Variants in ENTREP2 observed in about 807,000 individuals in gnomAD.
ENTREP2 encodes endosomal transmembrane epsin interactor 2, also known as protein ENTREP2.
the ENTREP2 span, among the ~76,000 whole-genome samples, chr15:29,207,614 G>C: frequency 2.6e-5 from 4 of 152,048 alleles, no homozygotes; most frequent in African/African-American, 9.7e-5. Flanking sequence ...GCATTTTACA[G>C]AGCGCTGATT....
At chr15:29,263,738 G>A in the ENTREP2 span, among the ~76,000 whole-genome samples, 1 of 152,308 alleles carries the variant, frequency 6.6e-6, no homozygotes, top group East Asian at 1.9e-4. Flanking sequence ...AGGGCTGGAA[G>A]CAATGATATT....
chr15:29,289,505 T>C, the ENTREP2 span, among the ~76,000 whole-genome samples: 1 of 152,188 alleles, frequency 6.6e-6, no homozygotes, highest in African/African-American at 2.4e-5. Context: ...TCTACTAAAG[T>C]TGAACCTATG....
chr15:29,510,852 A>G, the ENTREP2 span, among the ~76,000 whole-genome samples: 1 of 151,900 alleles, frequency 6.6e-6, no homozygotes, highest in Admixed American at 6.6e-5. Flanking sequence ...ATGGAATACT[A>G]TGCAGCCATA....
the ENTREP2 span, among the ~76,000 whole-genome samples, chr15:29,549,062 T>C: frequency 6.6e-6 from 1 of 152,194 alleles, no homozygotes; most frequent in African/African-American, 2.4e-5. Flanking sequence ...GTTCCAATCC[T>C]GTTCATGTAA....
the ENTREP2 span, among the ~76,000 whole-genome samples, chr15:29,611,626 G>A: frequency 6.6e-6 from 1 of 151,938 alleles, no homozygotes; most frequent in African/African-American, 2.4e-5. Context: ...ATCCCAGCAT[G>A]CTGGCTCCTC....
At chr15:29,232,595 C>T in the ENTREP2 span, among the ~76,000 whole-genome samples, 1 of 151,452 alleles carries the variant, frequency 6.6e-6, no homozygotes, top group Non-Finnish European at 1.5e-5. Context: ...TGGGCTCAAG[C>T]AATCCTCCTG....
the ENTREP2 span, chr15:29,269,462 G>T: frequency 6.2e-7 from 1 of 1,613,292 alleles, no homozygotes. Context: ...AGCTGCTTCT[G>T]GCTCCTGGGC....
chr15:29,431,072 T>C, the ENTREP2 span, among the ~76,000 whole-genome samples: 1 of 152,286 alleles, frequency 6.6e-6, no homozygotes, highest in African/African-American at 2.4e-5. Context: ...GGGCCCAAAC[T>C]GTTTTCAAGC....
chr15:29,493,379 C>G, the ENTREP2 span, among the ~76,000 whole-genome samples: 2 of 151,338 alleles, frequency 1.3e-5, no homozygotes, highest in Non-Finnish European at 2.9e-5. Flanking sequence ...GTGATCCGCC[C>G]GCCTCGGCCT....
chr15:29,404,196 T>G, the ENTREP2 span, among the ~76,000 whole-genome samples: 1 of 151,926 alleles, frequency 6.6e-6, no homozygotes, highest in Admixed American at 6.6e-5. Context: ...ATAGCCCCGG[T>G]GAAAAGACAC....
At chr15:29,230,880 T>C in the ENTREP2 span, among the ~76,000 whole-genome samples, 13 of 152,082 alleles carry the variant, frequency 8.5e-5, no homozygotes, top group African/African-American at 3.1e-4. Context: ...AATTAAAAAG[T>C]TTTAGGCAGA....
chr15:29,137,298 G>T, the ENTREP2 span: 1 of 1,076,026 alleles, frequency 9.3e-7, no homozygotes. Context: ...TGGAATGCCT[G>T]TAATTTCAAC....
At chr15:29,487,613 A>G in the ENTREP2 span, among the ~76,000 whole-genome samples, 1 of 152,252 alleles carries the variant, frequency 6.6e-6, no homozygotes, top group East Asian at 1.9e-4. Flanking sequence ...TACAGTCTAT[A>G]GCAAGCAACA....
the ENTREP2 span, among the ~76,000 whole-genome samples, chr15:29,635,587 G>C: frequency 6.6e-6 from 1 of 152,110 alleles, no homozygotes; most frequent in Admixed American, 6.5e-5. Flanking sequence ...AATAGCGAGA[G>C]AAGGCTCCCC....
At chr15:29,596,959 C>T in the ENTREP2 span, among the ~76,000 whole-genome samples, 52 of 152,158 alleles carry the variant, frequency 3.4e-4, no homozygotes, top group East Asian at 9.7e-3. Flanking sequence ...TGTGAGCCAC[C>T]GCACTCGGCT....
the ENTREP2 span, among the ~76,000 whole-genome samples, chr15:29,525,611 T>C: frequency 2.6e-5 from 4 of 152,220 alleles, no homozygotes; most frequent in Non-Finnish European, 5.9e-5. Flanking sequence ...TCAAAGGCTT[T>C]ATGCTGAGTG....
the ENTREP2 span, among the ~76,000 whole-genome samples, chr15:29,221,083 T>C: frequency 7.2e-5 from 11 of 152,166 alleles, no homozygotes; most frequent in African/African-American, 2.4e-4. Context: ...AAGAAGGAAA[T>C]TGTCAAGTGA....
the ENTREP2 span, among the ~76,000 whole-genome samples, chr15:29,524,774 A>C: frequency 6.6e-6 from 1 of 152,214 alleles, no homozygotes; most frequent in Admixed American, 6.5e-5. Context: ...GCAGTGGTGG[A>C]CAGCGAGCGA....
the ENTREP2 span, among the ~76,000 whole-genome samples, chr15:29,625,852 TTTC>T: frequency 6.6e-6 from 1 of 152,242 alleles, no homozygotes; most frequent in Non-Finnish European, 1.5e-5. Context: ...AAACAATTTT[TTTC>T]TTTTCTTTTT....
Sources: gnomAD v4.1 joint callset for allele counts (sites outside exome capture counted in the v4.1 genomes callset) on GRCh38, gnomAD v4.1.1 for gene constraint, MANE v1.5 for transcripts, NCBI Gene and HGNC (gene_info 2026-07-23, HGNC 2026-07-21) for gene names.